Variants in A1CF observed in about 807,000 individuals in gnomAD.
A1CF encodes the protein APOBEC1 complementation factor.
In A1CF, 48 loss-of-function variants were observed where a neutral mutation model predicts 68.9. That is an observed-to-expected ratio of 0.70 (90% CI 0.55 to 0.89). The LOEUF (loss-of-function observed/expected upper bound fraction) is 0.89, where lower values mean the gene tolerates loss of function less well. A1CF is among the 40% of genes least tolerant of loss of function. A1CF has a pLI of 0.00. For missense variants in A1CF, 653 were observed against 718.9 expected (o/e 0.91, Z 1.05); for synonymous variants, 272 against 260.4 (o/e 1.04, Z -0.43).
At chr10:50,820,808 T>C (rs1355484217) in intron 7 of A1CF, among the ~76,000 whole-genome samples, 159 bp from the exon 8 acceptor site, 1 of 152,216 alleles carries the variant, frequency 6.6e-6, no homozygotes, top group Non-Finnish European at 1.5e-5. Context: ...AGATTTTTTT[T>C]GCAGTTTTTA....
At chr10:50,824,891 A>G (rs1165062960) in intron 7 of A1CF, among the ~76,000 whole-genome samples, 1 of 152,188 alleles carries the variant, frequency 6.6e-6, no homozygotes, top group Non-Finnish European at 1.5e-5. Flanking sequence ...GTTGTGATGA[A>G]TAAATGACAC....
intron 8 of A1CF, among the ~76,000 whole-genome samples, chr10:50,817,797 C>G (rs893002278): frequency 6.6e-6 from 1 of 152,160 alleles, no homozygotes. Flanking sequence ...TCCTTTGTCC[C>G]ATCCAAAAGC....
chr10:50,850,929 G>A, intron 3 of A1CF: 1 of 1,174,686 alleles, frequency 8.5e-7, no homozygotes, highest in South Asian at 1.7e-5. Context: ...CTTACAATTT[G>A]CCTTTTTGAA....
At position 50,841,846 on chromosome 10, in the gene A1CF, A is replaced by G. The variant is rs780569903; in HGVS notation, c.365+16T>C. ...ATTGTTTGTTTCACTTTTAATCTAG[A>G]AGAGGCGGAGCTTACCTAATTTCAT... is the stretch of plus-strand genomic sequence containing the variant. On this transcript the variant is annotated intron_variant, in intron 5 of 12. Coordinates refer to ENST00000373997, the MANE Select transcript of A1CF (RefSeq NM_014576.4). 2 of 1,611,616 alleles carry G rather than the reference A, an allele frequency of 1.2e-6. No homozygotes were observed. Among genetic ancestry groups the G allele is most frequent in the African/African-American group, 2.7e-5 (2 of 74,796 alleles).
At chr10:50,863,320 C>G (rs1345789655) in intron 2 of A1CF, among the ~76,000 whole-genome samples, 2 of 152,108 alleles carry the variant, frequency 1.3e-5, no homozygotes, top group African/African-American at 4.8e-5. Flanking sequence ...TATTAAAAAG[C>G]TTGGCCAAAT....
rs756744135 is a variant in A1CF, at chr10:50,843,970, T to C, written c.234+18A>G. The C allele has an allele frequency of 2.5e-6, 4 of 1,612,124 alleles. No individual in the cohort carries two copies. Among genetic ancestry groups the C allele is most frequent in the African/African-American group, 1.3e-5 (1 of 74,872 alleles). On this transcript the variant is annotated intron_variant, in intron 4 of 12. Transcript: ENST00000373997. ...CCCTTGAACGATAAGAAAAATTAAA[T>C]GTTAAATTTGGACTCACTTTTTCAC... is the stretch of plus-strand genomic sequence containing the variant.
In A1CF at chr10:50,810,041, G is replaced by A. The variant is rs779619867; in HGVS notation, c.1462C>T (p.His488Tyr). Reference protein sequence around the residue: ...PALASQNPAIHPFTPPKLSAF... With the variant: ...PALASQNPAIYPFTPPKLSAF... Reference sequence around the variant, plus strand: ...CTCAGCTTTGGAGGTGTGAAAGGGTGGCTGGAAAGCAAGTCAGTCAGGGTA... The same window carrying A: ...CTCAGCTTTGGAGGTGTGAAAGGGTAGCTGGAAAGCAAGTCAGTCAGGGTA... Residue 488 changes from histidine to tyrosine, a missense_variant and splice_region_variant, in exon 12 of 13, where the codon CAC becomes TAC. Physicochemically the swap from His to Tyr is moderately conservative, Grantham distance 83 (BLOSUM62 2). Coordinates refer to ENST00000373997, the MANE Select transcript of A1CF (RefSeq NM_014576.4). 1.9e-6 allele frequency: 3 copies of A among 1,613,792 alleles called. No homozygotes were observed. The highest frequency in any genetic ancestry group is 1.7e-5 in the Admixed American group (1 of 59,986).
chr10:50,838,329 G>A (rs1839617782), intron 5 of A1CF, among the ~76,000 whole-genome samples: 1 of 152,000 alleles, frequency 6.6e-6, no homozygotes. Context: ...CCAGGAGTGT[G>A]GTTCTCAAGG....
rs201036765 is a variant in A1CF, at chr10:50,806,672, C to CT, written c.*56dup. 37,876 of 1,054,182 alleles carry CT rather than the reference C, an allele frequency of 0.036. 1 individual carries two copies. The highest frequency in any genetic ancestry group is 0.039 in the Non-Finnish European group (29,908 of 769,090). 65.3% of individuals were successfully genotyped at this position (1,054,182 alleles called of 1,614,324 possible). A position where few individuals can be genotyped will look rare whatever the true frequency, so the allele number is the denominator to read the frequency against. ...TGGGGACCGAGTTAGAGGTTTATTT[C>CT]TTTTTTTTTTTTAATAGAGTTTTGT... is the stretch of plus-strand genomic sequence containing the variant. On this transcript the variant is annotated 3_prime_UTR_variant, in exon 13 of 13. Coordinates refer to ENST00000373997, the MANE Select transcript of A1CF (RefSeq NM_014576.4).
In A1CF at chr10:50,816,064, G is replaced by C. The variant is rs770505127; in HGVS notation, c.1083C>G (p.Phe361Leu). Reference sequence around the variant, plus strand: ...TGCTGAGATGTCCTTTGGTGGCTGGGAAATGAAGACTGGGAATTGCTGCAT... The same window carrying C: ...TGCTGAGATGTCCTTTGGTGGCTGGCAAATGAAGACTGGGAATTGCTGCAT... Reference protein sequence around the residue: ...QTYAAIPSLHFPATKGHLSNR... With the variant: ...QTYAAIPSLHLPATKGHLSNR... The change falls in exon 9 of 13, where the codon TTC becomes TTG. Residue 361 changes from phenylalanine (F) to leucine (L), a missense_variant. Coordinates refer to ENST00000373997, the MANE Select transcript of A1CF (RefSeq NM_014576.4). The C allele has an allele frequency of 6.2e-7, 1 of 1,613,790 alleles. No individual in the cohort carries two copies. Among genetic ancestry groups the C allele is most frequent in the Non-Finnish European group, 8.5e-7 (1 of 1,179,842 alleles).
At chr10:50,818,397 T>C (rs1409411340) in intron 8 of A1CF, among the ~76,000 whole-genome samples, 1 of 151,888 alleles carries the variant, frequency 6.6e-6, no homozygotes, top group African/African-American at 2.4e-5. Context: ...CCATACCACA[T>C]TATAGTCAAA....
At chr10:50,813,805 G>A in intron 10 of A1CF, 52 bp downstream of exon 10, 1 of 1,564,828 alleles carries the variant, frequency 6.4e-7, no homozygotes, top group African/African-American at 1.4e-5. Context: ...AAAAGTGAAT[G>A]ATGCTCATTG....
At chr10:50,810,158 G>A in intron 11 of A1CF, 116 bp from the exon 12 acceptor site, 1 of 1,204,374 alleles carries the variant, frequency 8.3e-7, no homozygotes, top group Non-Finnish European at 1.2e-6. Flanking sequence ...TTGAGTGGGT[G>A]TTTTTCATTC....
chr10:50,812,686 C>T lies in A1CF; in HGVS notation c.1323+1171G>A, dbSNP rs1838173395. On this transcript the variant is annotated intron_variant, in intron 10 of 12. Transcript: ENST00000373997. ...TTTCTGAACAAACTTCATCATATCACTTCCAGATTTCATTATATGTTTACG... is the reference window on the plus strand; with the variant it reads ...TTTCTGAACAAACTTCATCATATCATTTCCAGATTTCATTATATGTTTACG... Among the ~76,000 whole-genome samples the T allele has an allele frequency of 2.0e-5, 3 of 152,154 alleles. No individual in the cohort carries two copies. In the South Asian group the frequency reaches 6.2e-4, roughly 31 times the overall value.
At chr10:50,838,234 C>G (rs537819648) in intron 5 of A1CF, among the ~76,000 whole-genome samples, 1 of 152,240 alleles carries the variant, frequency 6.6e-6, no homozygotes, top group East Asian at 1.9e-4. Flanking sequence ...GGCCACTGTC[C>G]TAGCTGTCTC....
intron 4 of A1CF, among the ~76,000 whole-genome samples, chr10:50,842,952 A>C (rs1345736328): frequency 6.6e-6 from 1 of 152,168 alleles, no homozygotes; most frequent in Non-Finnish European, 1.5e-5. Flanking sequence ...TTGCCCATGT[A>C]ATACTCCCTT....
intron 3 of A1CF, among the ~76,000 whole-genome samples, chr10:50,856,688 A>G (rs1035921323): frequency 1.3e-5 from 2 of 152,076 alleles, no homozygotes; most frequent in Admixed American, 6.6e-5. Context: ...CTTCATCAGG[A>G]AATTGGGGAT....
At chr10:50,843,651 T>A (rs561198191) in intron 4 of A1CF, among the ~76,000 whole-genome samples, 2 of 152,232 alleles carry the variant, frequency 1.3e-5, no homozygotes, top group African/African-American at 4.8e-5. Flanking sequence ...AAATTTCAAG[T>A]TGGAGCAATA....
intron 3 of A1CF, among the ~76,000 whole-genome samples, chr10:50,854,775 A>G (rs1840401541): frequency 6.6e-6 from 1 of 151,950 alleles, no homozygotes; most frequent in Non-Finnish European, 1.5e-5. Context: ...AAACAGAAGA[A>G]CAAAACAAAA....
Sources: gnomAD v4.1 joint callset for allele counts (sites outside exome capture counted in the v4.1 genomes callset) on GRCh38, gnomAD v4.1.1 for gene constraint, MANE v1.5 for transcripts, NCBI Gene and HGNC (gene_info 2026-07-23, HGNC 2026-07-21) for gene names.